Variants in GPR143 observed in about 807,000 individuals in gnomAD.
GPR143 encodes the protein G protein-coupled receptor 143.
Under a neutral mutation model 27.6 loss-of-function variants are expected in GPR143, and 8 were observed. The observed-to-expected ratio is 0.29, with a 90% CI of 0.17 to 0.52. The LOEUF (loss-of-function observed/expected upper bound fraction) is 0.52, where lower values mean the gene tolerates loss of function less well. Among genes scored for constraint, GPR143 ranks in the 20% least tolerant of loss-of-function variants. The pLI is 0.96. For missense variants in GPR143, 303 were observed against 343.1 expected, an observed-to-expected ratio of 0.88 and a Z score of 0.92; for synonymous variants, 156 against 153.2, an observed-to-expected ratio of 1.02 and a Z score of -0.13.
At chrX:9,743,815 A>T in intron 5 of GPR143, 142 bp from the exon 6 acceptor site, 1 of 512,455 alleles carries the variant, frequency 2.0e-6, no homozygotes, top group Non-Finnish European at 3.5e-6. Context: ...TTCATTCCTC[A>T]CAACTTCCAG....
Position 9,743,655 on chromosome X carries a change from C to T in GPR143, c.677G>A (p.Gly226Glu), listed in dbSNP as rs775710879. The T allele has an allele frequency of 1.7e-6, 2 of 1,145,245 alleles. No homozygotes were observed. The highest frequency in any genetic ancestry group is 2.4e-6 in the Non-Finnish European group (2 of 834,610). The allele number at this position is 1,145,245 out of a possible 1,213,427, so 94.4% of individuals were successfully genotyped here. Residue 226 changes from glycine to glutamate, a missense_variant, in exon 6 of 9, where the codon GGA becomes GAA. Coordinates refer to ENST00000467482, the MANE Select transcript of GPR143 (RefSeq NM_000273.3). ...GTTCTCCGTGTAAATGCCTTGTCTTCCTTTAAGTAAAGAGGCCACTGTGAA... is the reference window on the plus strand; with the variant it reads ...GTTCTCCGTGTAAATGCCTTGTCTTTCTTTAAGTAAAGAGGCCACTGTGAA... ...TVTAVASLLK[G>E]RQGIYTENER... is the part of the protein sequence containing the mutation.
intron 5 of GPR143, among the ~76,000 whole-genome samples, chrX:9,744,620 G>A (rs760217792): frequency 4.5e-5 from 5 of 110,729 alleles, no homozygotes; most frequent in South Asian, 3.9e-4. Context: ...CAGGAGAATC[G>A]CTTGAACCTG....
chrX:9,728,837 GT>G (rs773496761), intron 8 of GPR143, among the ~76,000 whole-genome samples: 1 of 108,525 alleles, frequency 9.2e-6, no homozygotes, highest in Admixed American at 9.9e-5. Flanking sequence ...GTGCAATATT[GT>G]GGTGTTCCTC....
Position 9,725,980 on chromosome X carries a change from C to CAAAAAAAAA in GPR143, c.1121-149_1121-141dup, listed in dbSNP as rs35066814. The CAAAAAAAAA allele has an allele frequency of 5.6e-5, 20 of 355,034 alleles. 1 individual carries two copies. The African/African-American group carries it at 1.1e-3, about 20-fold the overall frequency. The allele number at this position is 355,034 out of a possible 1,213,427, so 29.3% of individuals were successfully genotyped here. ...AAAGTCCTAGCATTCATCTCATCTGCAAAAAAAAAAAAAAAAAAAAAAAAA... is the reference window on the plus strand; with the variant it reads ...AAAGTCCTAGCATTCATCTCATCTGCAAAAAAAAAAAAAAAAAAAAAAAAAAAAAAAAAA... On this transcript the variant is annotated intron_variant, in intron 8 of 8. Transcript: ENST00000467482.
At chrX:9,733,889 G>A (rs1220316445) in intron 8 of GPR143, among the ~76,000 whole-genome samples, 1 of 110,628 alleles carries the variant, frequency 9.0e-6, no homozygotes, top group Non-Finnish European at 1.9e-5. Flanking sequence ...AGACCAGCCT[G>A]GCCAACCTGG....
chrX:9,755,688 T>C (rs1312626781), intron 3 of GPR143, among the ~76,000 whole-genome samples: 1 of 110,791 alleles, frequency 9.0e-6, no homozygotes, highest in Non-Finnish European at 1.9e-5. Context: ...CATGACACTT[T>C]GAGGATGGAA....
intron 1 of GPR143, among the ~76,000 whole-genome samples, chrX:9,773,455 GCT>G (rs1455825727): frequency 1.9e-5 from 2 of 105,074 alleles, no homozygotes; most frequent in Non-Finnish European, 3.9e-5. Context: ...ACATAAATCT[GCT>G]CTCTTTGGAG....
chrX:9,743,544 CAT>C lies in GPR143; in HGVS notation c.767+19_767+20del, dbSNP rs763171345. On this transcript the variant is annotated intron_variant, in intron 6 of 8. Transcript: ENST00000467482. Reference sequence around the variant, plus strand: ...CCTTCCCACTGGCAATAAAAATACACATATATAGAAGAAAGGTTACCAAATAA... The same window carrying C: ...CCTTCCCACTGGCAATAAAAATACACATATAGAAGAAAGGTTACCAAATAA... The C allele has an allele frequency of 3.4e-6, 3 of 886,673 alleles. No homozygotes were observed. In the East Asian group the frequency reaches 9.3e-5, roughly 27 times the overall value. 73.1% of individuals were successfully genotyped at this position (886,673 alleles called of 1,213,427 possible). A position where few individuals can be genotyped will look rare whatever the true frequency, so the allele number is the denominator to read the frequency against.
intron 1 of GPR143, among the ~76,000 whole-genome samples, chrX:9,774,885 A>G (rs1438527072): frequency 9.0e-6 from 1 of 110,604 alleles, no homozygotes; most frequent in African/African-American, 3.3e-5. Context: ...TTTTTTTGAG[A>G]CAAGGTCTCG....
Position 9,727,651 on chromosome X carries a change from C to T in GPR143, c.1121-1811G>A, listed in dbSNP as rs148578636. ...AATGTCAGAATTATTCTTCCAATCC[C>T]CAAATATCCTAGAGTACTTGCTCCA... On this transcript the variant is annotated intron_variant, in intron 8 of 8. Transcript: ENST00000467482. 1.2e-4 allele frequency among the ~76,000 whole-genome samples: 14 copies of T among 112,981 alleles called. No individual in the cohort carries two copies. In the East Asian group the frequency reaches 2.8e-3, roughly 22 times the overall value.
Position 9,741,360 on chromosome X carries a change from G to C in GPR143, c.863C>G (p.Ala288Gly). The stretch of plus-strand genomic sequence containing the variant: ...TACCATAATAAACCATGTGGTCTTG[G>C]CTGCAGTTCTGACAGGTTTCAAAGA... ...GGSLKPVRTA[A>G]KTTWFIMGIL... Residue 288 changes from alanine (A) to glycine (G), a missense_variant, in exon 7 of 9, where the codon GCC (alanine) becomes GGC (glycine). Transcript: ENST00000467482. 9.6e-7 allele frequency: 1 copy of C among 1,036,717 alleles called. No individual in the cohort carries two copies. The highest frequency in any genetic ancestry group is 3.0e-5 in the East Asian group (1 of 32,828). 85.4% of individuals were successfully genotyped at this position (1,036,717 alleles called of 1,213,427 possible). A position where few individuals can be genotyped will look rare whatever the true frequency, so the allele number is the denominator to read the frequency against.
chrX:9,765,642 G>A lies in GPR143; in HGVS notation c.176C>T (p.Ser59Phe), dbSNP rs2083528273. The A allele has an allele frequency of 3.3e-5, 32 of 981,147 alleles. No homozygotes were observed. Among genetic ancestry groups the A allele is most frequent in the Non-Finnish European group, 3.4e-5 (27 of 784,729 alleles). 80.9% of individuals were successfully genotyped at this position (981,147 alleles called of 1,213,427 possible). Residue 59 changes from serine to phenylalanine, a missense_variant, in exon 1 of 9, where the codon TCC becomes TTC. Transcript: ENST00000467482. ...LPGRRPAGPG[S>F]PATSPPASVR... ...CGAGGCCGGCGGGGACGTCGCGGGG[G>A]ACCCGGGGCCCGCGGGCCGGCGGCC...
intron 3 of GPR143, among the ~76,000 whole-genome samples, chrX:9,749,249 C>T (rs1207451586): frequency 1.9e-5 from 2 of 106,479 alleles, no homozygotes; most frequent in Non-Finnish European, 3.9e-5. Context: ...CCCTCCGGCC[C>T]CCAATCGCTC....
At chrX:9,765,546 C>T in intron 1 of GPR143, 22 bp downstream of exon 1, 1 of 1,083,516 alleles carries the variant, frequency 9.2e-7, no homozygotes, top group Non-Finnish European at 1.2e-6. Flanking sequence ...GATTCCAACC[C>T]GCGGGCCGCG....
upstream of GPR143, among the ~76,000 whole-genome samples, chrX:9,770,617 G>C (rs142964219): frequency 5.8e-3 from 648 of 111,194 alleles, 8 homozygotes; most frequent in African/African-American, 0.02. Flanking sequence ...TTCCTTCCTA[G>C]GGAGGTTTCT....
chrX:9,778,045 C>G (rs750834653), intron 1 of GPR143, among the ~76,000 whole-genome samples: 1 of 109,926 alleles, frequency 9.1e-6, no homozygotes, highest in Non-Finnish European at 1.9e-5. Flanking sequence ...GAGCTGAGAT[C>G]GCGCCACTGC....
chrX:9,773,082 T>G (rs1364748941), intron 1 of GPR143, among the ~76,000 whole-genome samples: 1 of 111,605 alleles, frequency 9.0e-6, no homozygotes, highest in South Asian at 3.7e-4. Flanking sequence ...TTATTTAAAT[T>G]AACATCAAGT....
intron 3 of GPR143, among the ~76,000 whole-genome samples, chrX:9,750,575 T>C (rs1323227730): frequency 9.1e-6 from 1 of 110,119 alleles, no homozygotes; most frequent in Non-Finnish European, 1.9e-5. Flanking sequence ...ATGGCATTTT[T>C]TTTTTCAAGA....
chrX:9,751,452 C>T (rs192971645), intron 3 of GPR143, among the ~76,000 whole-genome samples: 1 of 112,725 alleles, frequency 8.9e-6, no homozygotes, highest in East Asian at 2.8e-4. Flanking sequence ...TGATAGGAAA[C>T]ACTTCCCACA....
Sources: allele counts gnomAD v4.1 joint callset (sites outside exome capture counted in the v4.1 genomes callset), GRCh38; gene constraint gnomAD v4.1.1; transcripts MANE v1.5; gene names NCBI Gene and HGNC (gene_info 2026-07-23, HGNC 2026-07-21).